The following STARD13 variants were observed in gnomAD, a reference collection of about 807,000 sequenced individuals.
STARD13 encodes the protein StAR related lipid transfer domain containing 13, also known as stAR-related lipid transfer protein 13.
STARD13 carries 62 observed loss-of-function variants against 106.4 expected under a neutral mutation model. The ratio of observed to expected loss-of-function variants is 0.58; its 90% CI spans 0.48 to 0.72. The LOEUF (loss-of-function observed/expected upper bound fraction) is 0.72. Ranked by LOEUF, STARD13 falls within the 30% of genes least tolerant of loss-of-function variation. STARD13 has a pLI of 0.00. For synonymous variants in STARD13, 565 were observed against 553.0 expected, an observed-to-expected ratio of 1.02 and a Z score of -0.31; for missense variants, 1,387 against 1,424.0, an observed-to-expected ratio of 0.97 and a Z score of 0.42.
chr13:33,139,280 C>T (rs1879494296), intron 4 of STARD13, among the ~76,000 whole-genome samples: 1 of 152,192 alleles, frequency 6.6e-6, no homozygotes, highest in African/African-American at 2.4e-5. Context: ...GCCAGATTAC[C>T]CAGATTCAAG....
chr13:33,564,206 C>CAAAA, the STARD13 span, among the ~76,000 whole-genome samples: 7 of 53,816 alleles, frequency 1.3e-4, no homozygotes, highest in African/African-American at 2.7e-4. Context: ...GACTGTATCT[C>CAAAA]AAAAAAAAAA....
chr13:33,169,702 G>T (rs1032050020), intron 1 of STARD13, among the ~76,000 whole-genome samples: 1 of 152,170 alleles, frequency 6.6e-6, no homozygotes, highest in African/African-American at 2.4e-5. Flanking sequence ...CAGAGAGCCA[G>T]GCCATGAAGA....
chr13:33,285,422 C>A, intron 1 of STARD13, 48 bp downstream of exon 1: 1 of 1,573,772 alleles, frequency 6.4e-7, no homozygotes, highest in South Asian at 1.2e-5. Context: ...TGAAATAGAG[C>A]CAACAGAAAT....
chr13:33,191,717 C>T (rs1411464937), intron 1 of STARD13, among the ~76,000 whole-genome samples: 1 of 152,228 alleles, frequency 6.6e-6, no homozygotes, highest in Non-Finnish European at 1.5e-5. Context: ...GCTAGCTAAA[C>T]ATCCAAGACC....
the STARD13 span, among the ~76,000 whole-genome samples, chr13:33,620,126 C>A: frequency 6.6e-6 from 1 of 151,904 alleles, no homozygotes; most frequent in Non-Finnish European, 1.5e-5. Context: ...ATTTTAACAC[C>A]CCTCTTTCTG....
At chr13:33,367,126 G>A in the STARD13 span, among the ~76,000 whole-genome samples, 353 of 152,248 alleles carry the variant, frequency 2.3e-3, 1 homozygote, top group African/African-American at 7.9e-3. Flanking sequence ...TCTTTCTGCC[G>A]CTATGGAGAT....
the STARD13 span, among the ~76,000 whole-genome samples, chr13:33,634,196 T>C: frequency 1.3e-5 from 2 of 152,190 alleles, no homozygotes; most frequent in Non-Finnish European, 2.9e-5. Context: ...CAACCTGATT[T>C]ATATCCCTGA....
chr13:33,410,204 G>A, the STARD13 span, among the ~76,000 whole-genome samples: 1,089 of 152,308 alleles, frequency 7.1e-3, 4 homozygotes, highest in South Asian at 0.011. Context: ...AGATGACTAG[G>A]TTAGGTCATT....
intron 1 of STARD13, among the ~76,000 whole-genome samples, chr13:33,197,403 C>T (rs539606484): frequency 1.8e-4 from 26 of 141,000 alleles, no homozygotes; most frequent in African/African-American, 6.8e-4. Context: ...TCTCTATAGA[C>T]AAAGGAAGAG....
the STARD13 span, among the ~76,000 whole-genome samples, chr13:33,527,298 C>T: frequency 6.6e-6 from 1 of 151,748 alleles, no homozygotes; most frequent in African/African-American, 2.4e-5. Context: ...TCCTTTGTTC[C>T]TTTCCCAGAC....
At chr13:33,143,430 T>C (rs1288607617) in intron 3 of STARD13, among the ~76,000 whole-genome samples, 1 of 152,258 alleles carries the variant, frequency 6.6e-6, no homozygotes, top group Non-Finnish European at 1.5e-5. Flanking sequence ...GTTTGTGAGA[T>C]TGACTCATGT....
rs1012156893 is a variant in STARD13, at chr13:33,185,689, C to A, written c.170-18067G>T. 3.3e-5 allele frequency among the ~76,000 whole-genome samples: 5 copies of A among 152,188 alleles called. 1 individual carries two copies. In the East Asian group the frequency reaches 7.7e-4, roughly 23 times the overall value. Reference sequence around the variant, plus strand: ...TTTTCCCACTGTCTAGAATGACATTCTTCTTCTGCTTTATGTGACTAGTCA... The same window carrying A: ...TTTTCCCACTGTCTAGAATGACATTATTCTTCTGCTTTATGTGACTAGTCA... On this transcript the variant is annotated intron_variant, in intron 1 of 13. Transcript: ENST00000336934.
the STARD13 span, among the ~76,000 whole-genome samples, chr13:33,507,886 ATCT>A: frequency 1.3e-5 from 2 of 152,082 alleles, no homozygotes; most frequent in Admixed American, 6.6e-5. Flanking sequence ...CATCCTCATC[ATCT>A]TCTTGTTGAG....
At chr13:33,666,834 C>T in the STARD13 span, among the ~76,000 whole-genome samples, 1 of 151,762 alleles carries the variant, frequency 6.6e-6, no homozygotes, top group African/African-American at 2.4e-5. Flanking sequence ...TCATGTGATC[C>T]ACCTTCCTCA....
the STARD13 span, among the ~76,000 whole-genome samples, chr13:33,545,686 A>G: frequency 2.0e-5 from 3 of 152,146 alleles, no homozygotes; most frequent in Admixed American, 6.5e-5. Flanking sequence ...TGAGTTTTCT[A>G]TTAGTTGCTG....
At chr13:33,368,700 G>T in the STARD13 span, among the ~76,000 whole-genome samples, 1,205 of 152,206 alleles carry the variant, frequency 7.9e-3, 12 homozygotes, top group African/African-American at 0.026. Flanking sequence ...TGTAGACAAG[G>T]ATAGCTTTGA....
chr13:33,470,969 T>G, the STARD13 span, among the ~76,000 whole-genome samples: 2,190 of 152,324 alleles, frequency 0.014, 56 homozygotes, highest in African/African-American at 0.047. Flanking sequence ...TGCCATTGCT[T>G]TTGGTGTTTT....
the STARD13 span, among the ~76,000 whole-genome samples, chr13:33,518,410 G>A: frequency 6.6e-6 from 1 of 152,088 alleles, no homozygotes. Flanking sequence ...CCGCCTACCT[G>A]TGGCTACTCC....
At chr13:33,655,781 A>G in the STARD13 span, among the ~76,000 whole-genome samples, 1 of 152,216 alleles carries the variant, frequency 6.6e-6, no homozygotes, top group Non-Finnish European at 1.5e-5. Context: ...AAAGTTTTAT[A>G]TGAGCACAGG....
Sources: gnomAD v4.1 joint callset for allele counts (sites outside exome capture counted in the v4.1 genomes callset) on GRCh38, gnomAD v4.1.1 for gene constraint, MANE v1.5 for transcripts, NCBI Gene and HGNC (gene_info 2026-07-23, HGNC 2026-07-21) for gene names.